GSTM2: variants seen among roughly 807,000 people sequenced by gnomAD.
GSTM2 encodes the protein glutathione S-transferase mu 2.
Under a neutral mutation model 33.3 loss-of-function variants are expected in GSTM2, and 33 were observed. That is an observed-to-expected ratio of 0.99 (90% CI 0.75 to 1.33). GSTM2 has a LOEUF of 1.33. Among genes scored for constraint, GSTM2 ranks in the 40% most tolerant of loss-of-function variants. GSTM2 has a pLI of 0.00. For missense variants in GSTM2, 213 were observed against 265.8 expected (o/e 0.80, Z 1.38); for synonymous variants, 93 against 95.6 (o/e 0.97, Z 0.16).
downstream of GSTM2, among the ~76,000 whole-genome samples, chr1:109,678,348 G>T (rs980219413): frequency 2.0e-5 from 3 of 151,996 alleles, no homozygotes; most frequent in African/African-American, 7.3e-5. Flanking sequence ...TGATGGCCAG[G>T]CTGGTCTCAA....
intron 2 of GSTM2, 50 bp downstream of exon 2, chr1:109,668,550 C>G: frequency 6.2e-7 from 1 of 1,600,476 alleles, no homozygotes; most frequent in South Asian, 1.1e-5. Context: ...TAAGTTGGCA[C>G]CAAGCAACCG....
chr1:109,668,180 C>T (rs1383952556), intron 1 of GSTM2, 29 bp downstream of exon 1: 1 of 1,339,216 alleles, frequency 7.5e-7, no homozygotes, highest in Non-Finnish European at 1.1e-6. Context: ...GGCGGTGGGA[C>T]GGGGGTGCGT....
chr1:109,671,471 A>G lies in GSTM2; in HGVS notation c.457-2A>G. On this transcript the variant is annotated splice_acceptor_variant, in intron 6 of 7. Coordinates refer to ENST00000241337, the MANE Select transcript of GSTM2 (RefSeq NM_000848.4). LOFTEE classifies it high-confidence loss of function. ...AGCCCACATATCCTTGGCCTTATCC[A>G]GATCACCTTTGTGGATTTCATCGCT... The G allele has an allele frequency of 6.2e-7, 1 of 1,605,284 alleles. No individual in the cohort carries two copies.
rs2227960 is a variant in GSTM2 at position 109,669,311 on chromosome 1, A to G, written c.199A>G (p.Thr67Ala). The part of the protein sequence containing the change: ...FPNLPYLIDG[T>A]HKITQSNAIL... ...CCAGCTGCCCTACTTGATTGATGGG[A>G]CTCACAAGATCACCCAGAGCAACGC... Residue 67 changes from threonine (T) to alanine (A), a missense_variant, in exon 4 of 8, where the codon ACT (threonine) becomes GCT (alanine). Coordinates refer to ENST00000241337, the MANE Select transcript of GSTM2 (RefSeq NM_000848.4). The G allele has an allele frequency of 1.3e-3, 2,135 of 1,613,848 alleles. 4 individuals are homozygous for G. The highest frequency in any genetic ancestry group is 5.3e-3 in the Middle Eastern group (32 of 6,062).
At chr1:109,668,837 G>A (rs397834986) in intron 2 of GSTM2, 88 bp from the exon 3 acceptor site, 57 of 1,473,758 alleles carry the variant, frequency 3.9e-5, no homozygotes, top group African/African-American at 1.2e-4. Context: ...TGTCTCAGGG[G>A]TCTTGCCACT....
chr1:109,671,135 T>C (rs1647528597), intron 5 of GSTM2, 152 bp from the exon 6 acceptor site: 3 of 651,072 alleles, frequency 4.6e-6, no homozygotes, highest in Admixed American at 5.1e-5. Context: ...AATGCTGATG[T>C]ATCCAGCTGA....
chr1:109,671,390 G>A lies in GSTM2; in HGVS notation c.456+8G>A. 1 of 1,606,436 alleles carries A rather than the reference G, an allele frequency of 6.2e-7. No homozygotes were observed. Among genetic ancestry groups the A allele is most frequent in the African/African-American group, 1.3e-5 (1 of 74,888 alleles). On this transcript the variant is annotated splice_region_variant and intron_variant, in intron 6 of 7. Coordinates refer to ENST00000241337, the MANE Select transcript of GSTM2 (RefSeq NM_000848.4). Reference sequence around the variant, plus strand: ...TGGTTTCTTGGGGACAAGGTAATGGGGGCGTGTGATGGGGACACCACAGAT... The same window carrying A: ...TGGTTTCTTGGGGACAAGGTAATGGAGGCGTGTGATGGGGACACCACAGAT...
chr1:109,668,271 T>C, intron 1 of GSTM2, 120 bp downstream of exon 1: 1 of 1,348,824 alleles, frequency 7.4e-7, no homozygotes, highest in Non-Finnish European at 1.1e-6. Context: ...CAGCGGGGTC[T>C]GTGCTTGCCG....
chr1:109,680,279 C>CAAAAAAAAAAAAAA (rs5776993), downstream of GSTM2, among the ~76,000 whole-genome samples: 1 of 131,050 alleles, frequency 7.6e-6, no homozygotes, highest in Non-Finnish European at 1.7e-5. Context: ...GTACACATAG[C>CAAAAAAAAAAAAAA]AAAAAAAAAA....
downstream of GSTM2, among the ~76,000 whole-genome samples, chr1:109,678,497 G>A (rs71665016): frequency 4.9e-3 from 744 of 152,176 alleles, 9 homozygotes; most frequent in African/African-American, 0.016. Context: ...GTGTGATCCC[G>A]GCACTTTGGG....
At chr1:109,671,770 C>T (rs1266777735) in intron 7 of GSTM2, among the ~76,000 whole-genome samples, 187 bp downstream of exon 7, 6 of 152,052 alleles carry the variant, frequency 3.9e-5, no homozygotes, top group Non-Finnish European at 7.3e-5. Flanking sequence ...AGTTTGATAC[C>T]TGCCTGCCCA....
downstream of GSTM2, among the ~76,000 whole-genome samples, chr1:109,678,106 C>T (rs1331500330): frequency 6.6e-6 from 1 of 152,066 alleles, no homozygotes; most frequent in Non-Finnish European, 1.5e-5. Flanking sequence ...GACTGGTGTG[C>T]GTGTTTACTC....
At chr1:109,668,307 C>CG in intron 1 of GSTM2, 118 bp from the exon 2 acceptor site, 6 of 946,178 alleles carry the variant, frequency 6.3e-6, no homozygotes, top group Non-Finnish European at 9.7e-6. Context: ...GCTGGGCGTG[C>CG]GGGGTGGGGG....
rs1416532584 is a variant in GSTM2, at chr1:109,668,941, A to G, written c.129A>G (p.Arg43=). 2.5e-6 allele frequency: 4 copies of G among 1,612,194 alleles called. No homozygotes were observed. Among genetic ancestry groups the G allele is most frequent in the Non-Finnish European group, 3.4e-6 (4 of 1,179,844 alleles). ...CCACCACAGCTCCTGATTATGACAG[A>G]AGCCAGTGGCTGAATGAAAAATTCA... The part of the protein sequence containing the change: ...YTMGDAPDYD[R]SQWLNEKFKL... The change falls in exon 3 of 8, where the codon AGA becomes AGG. Residue 43 remains arginine (R), a synonymous_variant. Transcript: ENST00000241337.
chr1:109,669,657 C>A (rs909396482), intron 5 of GSTM2, 86 bp downstream of exon 5: 8 of 848,624 alleles, frequency 9.4e-6, no homozygotes, highest in South Asian at 1.6e-5. Context: ...AAAATTGATT[C>A]CTTCTGGTGA....
Position 109,669,457 on chromosome 1 carries a change from C to A in GSTM2, c.260-14C>A, listed in dbSNP as rs1478526552. 2 of 1,613,502 alleles carry A rather than the reference C, an allele frequency of 1.2e-6. No homozygotes were observed. Among genetic ancestry groups the A allele is most frequent in the African/African-American group, 1.3e-5 (1 of 74,918 alleles). On this transcript the variant is annotated splice_polypyrimidine_tract_variant and intron_variant, in intron 4 of 7. Coordinates refer to ENST00000241337, the MANE Select transcript of GSTM2 (RefSeq NM_000848.4). ...GGCTGTGAGGCTGAGAGTGAATCTG[C>A]TTTACGAGGGTAGGCGGGGAATCAG...
chr1:109,672,440 T>G lies in GSTM2; in HGVS notation c.567+857T>G, dbSNP rs1051443871. ...TCCCCCATTTTAGAGACAAAGAAAC[T>G]GAGAATGAGAGGGTCAGTCCTTTGC... On this transcript the variant is annotated intron_variant, in intron 7 of 7. Coordinates refer to ENST00000241337, the MANE Select transcript of GSTM2 (RefSeq NM_000848.4). 7.9e-5 allele frequency among the ~76,000 whole-genome samples: 12 copies of G among 152,270 alleles called. No individual in the cohort carries two copies. The South Asian group carries it at 2.5e-3, about 32-fold the overall frequency.
intron 3 of GSTM2, 116 bp downstream of exon 3, chr1:109,669,105 T>C (rs1441477935): frequency 3.8e-6 from 5 of 1,305,038 alleles, no homozygotes; most frequent in Non-Finnish European, 1.1e-6. Context: ...TTCCTCTCAC[T>C]CTTGGCTGTC....
intron 7 of GSTM2, chr1:109,673,177 C>G: frequency 2.2e-5 from 35 of 1,610,420 alleles, no homozygotes; most frequent in Non-Finnish European, 2.9e-5. Flanking sequence ...GCCTCTTCCT[C>G]TCTTTTTTTC....
Sources: gnomAD v4.1 joint callset for allele counts (sites outside exome capture counted in the v4.1 genomes callset) on GRCh38, gnomAD v4.1.1 for gene constraint, MANE v1.5 for transcripts, NCBI Gene and HGNC (gene_info 2026-07-23, HGNC 2026-07-21) for gene names.